The following BMP7 variants were observed in gnomAD, a reference collection of about 807,000 sequenced individuals.
BMP7 encodes bone morphogenetic protein 7, also known as osteogenic protein 1.
In BMP7, 12 loss-of-function variants were observed where a neutral mutation model predicts 41.2. The observed-to-expected ratio is 0.29, with a 90% confidence interval of 0.19 to 0.47. The LOEUF (loss-of-function observed/expected upper bound fraction) is 0.47, where lower values mean the gene tolerates loss of function less well. BMP7 is among the 20% of genes least tolerant of loss of function. The pLI is 0.99. For synonymous variants in BMP7, 248 were observed against 250.0 expected, an observed-to-expected ratio of 0.99 and a Z score of 0.07; for missense variants, 467 against 606.0, an observed-to-expected ratio of 0.77 and a Z score of 2.41.
chr20:57,219,352 A>C (rs1985130299), intron 2 of BMP7, among the ~76,000 whole-genome samples: 1 of 151,574 alleles, frequency 6.6e-6, no homozygotes, highest in African/African-American at 2.4e-5. Flanking sequence ...CTTCCCACTT[A>C]AGTATGTTCA....
chr20:57,232,598 T>G (rs1469933325), intron 1 of BMP7, among the ~76,000 whole-genome samples: 3 of 152,272 alleles, frequency 2.0e-5, no homozygotes, highest in Non-Finnish European at 4.4e-5. Context: ...ATGAACTGTA[T>G]CTTAACTGTT....
At chr20:57,233,556 T>A (rs1372939399) in intron 1 of BMP7, among the ~76,000 whole-genome samples, 1 of 152,174 alleles carries the variant, frequency 6.6e-6, no homozygotes, top group Non-Finnish European at 1.5e-5. Context: ...GCGCCCCCCC[T>A]TCATGATCCT....
intron 3 of BMP7, 94 bp downstream of exon 3, chr20:57,202,381 T>G: frequency 6.6e-7 from 1 of 1,516,818 alleles, no homozygotes; most frequent in South Asian, 1.2e-5. Context: ...CGGGGAAGCC[T>G]GTTTGTAGTG....
chr20:57,237,370 C>T (rs1202344014), intron 1 of BMP7, among the ~76,000 whole-genome samples: 1 of 152,208 alleles, frequency 6.6e-6, no homozygotes, highest in Non-Finnish European at 1.5e-5. Flanking sequence ...CCCTGGCTCG[C>T]TCTTTCCCTG....
In BMP7 at chr20:57,169,760, T is replaced by G. The variant is rs542624240; in HGVS notation, c.*1199A>C. 6.9e-6 allele frequency: 1 copy of G among 145,150 alleles called. No homozygotes were observed. Among genetic ancestry groups the G allele is most frequent in the South Asian group, 2.2e-4 (1 of 4,618 alleles). The allele number at this position is 145,150 out of a possible 1,614,324, so 9.0% of individuals were successfully genotyped here. On this transcript the variant is annotated 3_prime_UTR_variant, in exon 7 of 7. Transcript: ENST00000395863. ...GGAGAACTAGGCTTCATTGGTGCTG[T>G]TTTTTTTTTCTTTTGAGATGGAGTC...
rs771580937 is a variant in BMP7 at position 57,265,895 on chromosome 20, G to C, written c.228C>G (p.His76Gln). 1.9e-6 allele frequency: 3 copies of C among 1,597,146 alleles called. No individual in the cohort carries two copies. In the Admixed American group the frequency reaches 5.2e-5, roughly 28 times the overall value. The change falls in exon 1 of 7, where the codon CAC becomes CAG. Residue 76 changes from histidine to glutamine, a missense_variant. His to Gln is a conservative substitution (Grantham distance 24). This residue lies in a region of BMP7 where 407 missense variants were observed against 485.9 expected (regional missense o/e 0.84). Transcript: ENST00000395863. The part of the protein sequence containing the change: ...HRPRPHLQGK[H>Q]NSAPMFMLDL... ...CCAGCATGAACATGGGTGCCGAGTT[G>C]TGCTTGCCCTGGAGGTGCGGGCGCG...
At chr20:57,179,765 T>A (rs1259214657) in intron 4 of BMP7, among the ~76,000 whole-genome samples, 1 of 152,114 alleles carries the variant, frequency 6.6e-6, no homozygotes, top group African/African-American at 2.4e-5. Context: ...CCTCGGTATT[T>A]TTATTTTATT....
At chr20:57,250,538 C>CA (rs57036984) in intron 1 of BMP7, among the ~76,000 whole-genome samples, 34,411 of 89,166 alleles carry the variant, frequency 0.39, 6,321 homozygotes, top group African/African-American at 0.58. Context: ...GACTCTGACT[C>CA]AAAAAAAAAA....
chr20:57,216,853 C>T (rs189618517), intron 2 of BMP7, among the ~76,000 whole-genome samples: 13 of 152,272 alleles, frequency 8.5e-5, no homozygotes, highest in Non-Finnish European at 1.6e-4. Context: ...AGCAGCCAGA[C>T]ATGGGCTGGA....
intron 3 of BMP7, among the ~76,000 whole-genome samples, chr20:57,192,005 A>G (rs1355695652): frequency 3.2e-5 from 4 of 125,986 alleles, no homozygotes; most frequent in Non-Finnish European, 4.6e-5. Context: ...TTGTATATGT[A>G]ATATATATTA....
chr20:57,218,303 T>C (rs1042811596), intron 2 of BMP7, among the ~76,000 whole-genome samples: 1 of 152,266 alleles, frequency 6.6e-6, no homozygotes, highest in Non-Finnish European at 1.5e-5. Context: ...TGGGAACCTG[T>C]ATTTTTCTCT....
intron 2 of BMP7, among the ~76,000 whole-genome samples, chr20:57,208,459 T>C (rs766426585): frequency 6.6e-6 from 1 of 152,162 alleles, no homozygotes; most frequent in Non-Finnish European, 1.5e-5. Context: ...GGCAAGGATG[T>C]AGAGAAAGTG....
intron 2 of BMP7, among the ~76,000 whole-genome samples, chr20:57,209,525 G>A (rs1984832045): frequency 6.6e-6 from 1 of 152,018 alleles, no homozygotes; most frequent in Non-Finnish European, 1.5e-5. Flanking sequence ...AACTGTTAGT[G>A]GGTATGGAGT....
Position 57,229,674 on chromosome 20 carries a change from G to T in BMP7, c.419-1253C>A, listed in dbSNP as rs1056753423. ...GCCCATCTCCACTTCCTGTCTGGGG[G>T]TGGGGAACTGGAGAGAGAGGGAGAA... On this transcript the variant is annotated intron_variant, in intron 1 of 6. Coordinates refer to ENST00000395863, the MANE Select transcript of BMP7 (RefSeq NM_001719.3). 2.0e-5 allele frequency among the ~76,000 whole-genome samples: 3 copies of T among 152,240 alleles called. No individual in the cohort carries two copies. In the South Asian group the frequency reaches 6.2e-4, roughly 32 times the overall value.
chr20:57,230,622 T>C (rs1407671987), intron 1 of BMP7, among the ~76,000 whole-genome samples: 1 of 150,298 alleles, frequency 6.7e-6, no homozygotes, highest in Non-Finnish European at 1.5e-5. Context: ...TGCATCTCTG[T>C]GGCTGCGTGA....
At position 57,232,148 on chromosome 20, in the gene BMP7, G is replaced by A. The variant is rs143531107; in HGVS notation, c.419-3727C>T. Among the ~76,000 whole-genome samples the A allele has an allele frequency of 4.8e-3, 732 of 152,310 alleles. 3 individuals carry two copies. Among genetic ancestry groups the A allele is most frequent in the African/African-American group, 0.017 (691 of 41,560 alleles). ...AGGTGGCCTGAGTTTGATCTTGGCT[G>A]TGCCACTTACCAGCTGTGTGACCTT... On this transcript the variant is annotated intron_variant, in intron 1 of 6. Coordinates refer to ENST00000395863, the MANE Select transcript of BMP7 (RefSeq NM_001719.3).
At chr20:57,241,810 T>G (rs143261337) in intron 1 of BMP7, among the ~76,000 whole-genome samples, 5 of 152,318 alleles carry the variant, frequency 3.3e-5, no homozygotes, top group Admixed American at 2.6e-4. Context: ...TGTCAACATG[T>G]GTGCAGTGTT....
chr20:57,205,697 T>C (rs1237449635), intron 2 of BMP7, among the ~76,000 whole-genome samples: 1 of 152,150 alleles, frequency 6.6e-6, no homozygotes, highest in Non-Finnish European at 1.5e-5. Context: ...AGTAAAACAA[T>C]GAATGGTAAC....
At chr20:57,173,360 A>C in intron 5 of BMP7, 50 bp from the exon 6 acceptor site, 1 of 1,560,516 alleles carries the variant, frequency 6.4e-7, no homozygotes, top group Non-Finnish European at 8.8e-7. Flanking sequence ...CCTGAGCCAC[A>C]GCATCCCAAC....
Sources: allele counts gnomAD v4.1 joint callset (sites outside exome capture counted in the v4.1 genomes callset), GRCh38; gene constraint gnomAD v4.1.1; regional missense constraint gnomAD v4.1.1; transcripts MANE v1.5; gene names NCBI Gene and HGNC (gene_info 2026-07-23, HGNC 2026-07-21).